The following AK5 variants were observed in gnomAD, a reference collection of about 807,000 sequenced individuals.
The protein encoded by AK5 is adenylate kinase 5.
Under a neutral mutation model 69.5 loss-of-function variants are expected in AK5, and 27 were observed. The observed-to-expected ratio is 0.39, with a 90% CI of 0.29 to 0.54. The LOEUF is 0.54. Among genes scored for constraint, AK5 ranks in the 20% least tolerant of loss-of-function variants. The pLI, the probability that AK5 is intolerant of heterozygous loss-of-function variation, is 0.71. For missense variants in AK5, 531 were observed against 700.4 expected (o/e 0.76, Z 2.73); for synonymous variants, 260 against 244.4 (o/e 1.06, Z -0.60).
At chr1:77,405,536 TCTC>T (rs1185143229) in intron 6 of AK5, among the ~76,000 whole-genome samples, 15 of 152,186 alleles carry the variant, frequency 9.9e-5, no homozygotes, top group African/African-American at 3.6e-4. Flanking sequence ...CATTGTGGGA[TCTC>T]CTGCAGAGCC....
chr1:77,534,096 ACTGT>A (rs1196062985), intron 12 of AK5, among the ~76,000 whole-genome samples: 1 of 152,128 alleles, frequency 6.6e-6, no homozygotes, highest in East Asian at 1.9e-4. Context: ...TTTGACCAAC[ACTGT>A]CTGGCAACTC....
At chr1:77,337,269 G>A (rs1194914426) in intron 5 of AK5, among the ~76,000 whole-genome samples, 1 of 152,104 alleles carries the variant, frequency 6.6e-6, no homozygotes, top group Non-Finnish European at 1.5e-5. Flanking sequence ...TAGGTAGAAG[G>A]CTATCCATGG....
intron 13 of AK5, among the ~76,000 whole-genome samples, chr1:77,551,277 C>T (rs1376354740): frequency 1.3e-5 from 2 of 152,110 alleles, no homozygotes; most frequent in South Asian, 2.1e-4. Context: ...AATTGCCTCA[C>T]TGACTTTATT....
intron 6 of AK5, among the ~76,000 whole-genome samples, chr1:77,368,589 C>A (rs2100468438): frequency 6.6e-6 from 1 of 151,762 alleles, no homozygotes; most frequent in South Asian, 2.1e-4. Flanking sequence ...CACTTACTCA[C>A]ACATAGGACT....
intron 5 of AK5, among the ~76,000 whole-genome samples, chr1:77,320,626 G>A (rs1443773353): frequency 6.6e-6 from 1 of 152,074 alleles, no homozygotes; most frequent in Non-Finnish European, 1.5e-5. Context: ...GTGCATGCCT[G>A]TAATACCAGC....
chr1:77,538,345 A>C (rs559087475), intron 13 of AK5, among the ~76,000 whole-genome samples: 87 of 151,154 alleles, frequency 5.8e-4, no homozygotes, highest in Middle Eastern at 3.5e-3. Context: ...TCTCAAAAAA[A>C]AACAACAACA....
chr1:77,434,431 A>G (rs934094400), intron 8 of AK5, among the ~76,000 whole-genome samples: 3 of 152,192 alleles, frequency 2.0e-5, no homozygotes, highest in Non-Finnish European at 2.9e-5. Flanking sequence ...CCAGGGCCCA[A>G]CTGGAAAAAT....
At chr1:77,445,981 G>C (rs1338341967) in intron 8 of AK5, among the ~76,000 whole-genome samples, 2 of 152,128 alleles carry the variant, frequency 1.3e-5, no homozygotes, top group Non-Finnish European at 2.9e-5. Context: ...TGAGCTTTTG[G>C]TGTAATACAC....
At chr1:77,305,897 G>T (rs1363926766) in intron 5 of AK5, among the ~76,000 whole-genome samples, 1 of 150,632 alleles carries the variant, frequency 6.6e-6, no homozygotes, top group Non-Finnish European at 1.5e-5. Context: ...TTGGTATTTT[G>T]TTAGGGATTA....
chr1:77,508,096 C>T (rs531977325), intron 10 of AK5, among the ~76,000 whole-genome samples: 53 of 152,052 alleles, frequency 3.5e-4, no homozygotes, highest in Admixed American at 2.6e-4. Context: ...TTGGGATGCT[C>T]AACTAGTAAG....
chr1:77,516,016 A>G (rs12731886), intron 10 of AK5, among the ~76,000 whole-genome samples: 30,529 of 151,992 alleles, frequency 0.2, 3,261 homozygotes, highest in Non-Finnish European at 0.22. Flanking sequence ...GATGCAGTGA[A>G]CTGTGATTGT....
intron 6 of AK5, among the ~76,000 whole-genome samples, chr1:77,377,076 A>G (rs1647299522): frequency 2.0e-5 from 3 of 152,238 alleles, no homozygotes; most frequent in Admixed American, 2.0e-4. Context: ...AGTACGAAGC[A>G]GATCCTCTCC....
intron 6 of AK5, among the ~76,000 whole-genome samples, chr1:77,364,014 C>T (rs1025112865): frequency 1.3e-5 from 2 of 151,974 alleles, no homozygotes; most frequent in Non-Finnish European, 2.9e-5. Flanking sequence ...TAGAGTGGTG[C>T]ATGGTACGTG....
intron 10 of AK5, among the ~76,000 whole-genome samples, 155 bp downstream of exon 10, chr1:77,486,507 A>G (rs957237215): frequency 1.3e-5 from 2 of 152,060 alleles, no homozygotes; most frequent in Non-Finnish European, 2.9e-5. Context: ...CATCCTGGCT[A>G]ACACAGTGAA....
At chr1:77,331,596 T>C (rs1557502275) in intron 5 of AK5, among the ~76,000 whole-genome samples, 1 of 152,222 alleles carries the variant, frequency 6.6e-6, no homozygotes. Flanking sequence ...TATAATCCTT[T>C]TTATATATTG....
intron 8 of AK5, among the ~76,000 whole-genome samples, chr1:77,428,396 A>C (rs536084034): frequency 6.6e-6 from 1 of 152,226 alleles, no homozygotes; most frequent in East Asian, 1.9e-4. Context: ...AGCTTCAGCT[A>C]TCCAGAGGAA....
chr1:77,335,399 T>G (rs1570398691), intron 5 of AK5, among the ~76,000 whole-genome samples: 2 of 135,632 alleles, frequency 1.5e-5, no homozygotes, highest in South Asian at 2.4e-4. Flanking sequence ...TTTTTTTTTT[T>G]GTAACTTATT....
In AK5 at chr1:77,475,378, TTATATATATGTATATATATAA is replaced by T. The variant is rs1557619721; in HGVS notation, c.1060-7931_1060-7911del. 8.5e-3 allele frequency among the ~76,000 whole-genome samples: 834 copies of T among 98,262 alleles called. 48 individuals carry two copies. Among genetic ancestry groups the T allele is most frequent in the African/African-American group, 0.037 (772 of 20,656 alleles). The allele number at this position is 98,262 out of a possible 152,430, so 64.5% of individuals were successfully genotyped here. On this transcript the variant is annotated intron_variant, in intron 8 of 13. Transcript: ENST00000354567. ...TATATTATATATATACAAATATATA[TTATATATATGTATATATATAA>T]TATATATGTATATATATACTATATA...
intron 6 of AK5, among the ~76,000 whole-genome samples, chr1:77,365,389 C>A (rs1389152394): frequency 6.6e-6 from 1 of 152,210 alleles, no homozygotes; most frequent in East Asian, 1.9e-4. Context: ...TAGCTCAGTG[C>A]AGCCTCAAAC....
Sources: gnomAD v4.1 joint callset for allele counts (sites outside exome capture counted in the v4.1 genomes callset) on GRCh38, gnomAD v4.1.1 for gene constraint, MANE v1.5 for transcripts, NCBI Gene and HGNC (gene_info 2026-07-23, HGNC 2026-07-21) for gene names.